MYLK4: variants seen among roughly 807,000 people sequenced by gnomAD.
MYLK4 encodes myosin light chain kinase family member 4, also known as caMLCK like.
Under a neutral mutation model 48.1 loss-of-function variants are expected in MYLK4, and 46 were observed. The ratio of observed to expected loss-of-function variants is 0.96; its 90% CI spans 0.75 to 1.22. The LOEUF (loss-of-function observed/expected upper bound fraction) is 1.22. Among genes scored for constraint, MYLK4 ranks in the 50% most tolerant of loss-of-function variants. The probability of loss-of-function intolerance (pLI) is 0.00; values close to 1 mark genes in which losing one functional copy is unlikely to be tolerated. For missense variants in MYLK4, 451 were observed against 486.1 expected, an observed-to-expected ratio of 0.93 and a Z score of 0.68; for synonymous variants, 170 against 180.8, an observed-to-expected ratio of 0.94 and a Z score of 0.48.
At chr6:2,769,022 C>T in the MYLK4 span, 1 of 749,492 alleles carries the variant, frequency 1.3e-6, no homozygotes, top group Admixed American at 3.5e-5. Flanking sequence ...TCCTTCAAGC[C>T]TATTTCTCCA....
upstream of MYLK4, among the ~76,000 whole-genome samples, chr6:2,753,080 G>A (rs1764336207): frequency 2.0e-5 from 3 of 152,202 alleles, no homozygotes; most frequent in South Asian, 6.2e-4. Flanking sequence ...AATATGAGCA[G>A]GCCCAGGAAC....
intron 2 of MYLK4, among the ~76,000 whole-genome samples, chr6:2,705,617 T>C (rs114646240): frequency 6.6e-6 from 1 of 152,302 alleles, no homozygotes; most frequent in African/African-American, 2.4e-5. Context: ...CCAAAACAAA[T>C]CCAAAAAGCA....
intron 4 of MYLK4, among the ~76,000 whole-genome samples, chr6:2,686,790 A>G (rs1761571513): frequency 6.6e-6 from 1 of 152,198 alleles, no homozygotes; most frequent in African/African-American, 2.4e-5. Flanking sequence ...GCGTGACTTC[A>G]ATTCCAACCT....
intron 10 of MYLK4, among the ~76,000 whole-genome samples, chr6:2,677,652 C>T (rs1761128148): frequency 6.6e-6 from 1 of 152,158 alleles, no homozygotes; most frequent in African/African-American, 2.4e-5. Flanking sequence ...TAATAAATAA[C>T]AGCCAAGTGT....
the MYLK4 span, among the ~76,000 whole-genome samples, chr6:2,763,599 C>T: frequency 6.6e-6 from 1 of 152,254 alleles, no homozygotes; most frequent in African/African-American, 2.4e-5. Context: ...CCGGAACTCG[C>T]GCTGGCCCGC....
intron 2 of MYLK4, among the ~76,000 whole-genome samples, chr6:2,725,123 C>T (rs1383377642): frequency 1.3e-5 from 2 of 152,156 alleles, no homozygotes; most frequent in Non-Finnish European, 2.9e-5. Flanking sequence ...TGCACTCCAG[C>T]CTGGGCAGCA....
chr6:2,727,386 C>G (rs2113311274), intron 2 of MYLK4, among the ~76,000 whole-genome samples: 1 of 152,306 alleles, frequency 6.6e-6, no homozygotes, highest in South Asian at 2.1e-4. Context: ...AAGAGCTGCC[C>G]AGAGCTAGAG....
intron 2 of MYLK4, among the ~76,000 whole-genome samples, chr6:2,703,829 C>A (rs1278418786): frequency 6.6e-6 from 1 of 151,978 alleles, no homozygotes; most frequent in Admixed American, 6.6e-5. Flanking sequence ...TGCCACCACG[C>A]CCACCTAATT....
chr6:2,766,276 C>A, the MYLK4 span: 1 of 1,581,604 alleles, frequency 6.3e-7, no homozygotes, highest in African/African-American at 1.4e-5. Flanking sequence ...CCGAGGAGAT[C>A]CGACAGATGC....
In MYLK4 at chr6:2,749,143, T is replaced by C. The variant is rs868621077; in HGVS notation, c.152A>G (p.His51Arg). 5 of 1,613,420 alleles carry C rather than the reference T, an allele frequency of 3.1e-6. No individual in the cohort carries two copies. The highest frequency in any genetic ancestry group is 3.3e-5 in the Admixed American group (2 of 59,980). The change falls in exon 2 of 13, where the codon CAT becomes CGT. Residue 51 changes from histidine (H) to arginine (R), a missense_variant. By Grantham distance (29) the His-to-Arg change is conservative. Coordinates refer to ENST00000274643, the MANE Select transcript of MYLK4 (RefSeq NM_001012418.5). Reference protein sequence around the residue: ...NSGDQDSRSGHNEAKEVWSNA... With the variant: ...NSGDQDSRSGRNEAKEVWSNA... ...AAATTAGAACATGATTACCTCATTA[T>C]GTCCAGATCTTGAATCCTGGTCCCC...
chr6:2,728,188 C>T (rs528634015), intron 2 of MYLK4, among the ~76,000 whole-genome samples: 53 of 152,202 alleles, frequency 3.5e-4, no homozygotes, highest in Admixed American at 1.2e-3. Context: ...AAACAAAGGT[C>T]CCAACAAATG....
Position 2,692,783 on chromosome 6 carries a change from C to T in MYLK4, c.235+1G>A. ...ACTATCTACTTTTCTAAAGATGTTA[C>T]CTGCGAGGGCTGATGTCCTTTTGCT... On this transcript the variant is annotated splice_donor_variant, in intron 3 of 12. Coordinates refer to ENST00000274643, the MANE Select transcript of MYLK4 (RefSeq NM_001012418.5). LOFTEE classifies it high-confidence loss of function. The T allele has an allele frequency of 1.9e-6, 3 of 1,613,358 alleles. No individual in the cohort carries two copies. Among genetic ancestry groups the T allele is most frequent in the Non-Finnish European group, 2.5e-6 (3 of 1,179,698 alleles).
intron 12 of MYLK4, among the ~76,000 whole-genome samples, chr6:2,669,835 C>A (rs564177547): frequency 1.3e-5 from 2 of 152,210 alleles, no homozygotes; most frequent in African/African-American, 4.8e-5. Context: ...ATGGAATGCA[C>A]AAGCCTTCCT....
At chr6:2,680,904 G>A (rs1761274931) in intron 7 of MYLK4, among the ~76,000 whole-genome samples, 4 of 152,136 alleles carry the variant, frequency 2.6e-5, no homozygotes, top group African/African-American at 7.2e-5. Context: ...CTGACTAAGT[G>A]TTCCCTTGGA....
At chr6:2,722,556 T>TGTGTGTGTGTG (rs1561865814) in intron 2 of MYLK4, among the ~76,000 whole-genome samples, 1 of 125,004 alleles carries the variant, frequency 8.0e-6, no homozygotes, top group East Asian at 2.2e-4. Context: ...TGTGTGTGTG[T>TGTGTGTGTGTG]TGGAGGTGGA....
chr6:2,751,810 A>AT (rs1196431942), upstream of MYLK4, among the ~76,000 whole-genome samples: 3 of 152,194 alleles, frequency 2.0e-5, no homozygotes, highest in Non-Finnish European at 4.4e-5. Flanking sequence ...TTTCCATTTT[A>AT]TGTAGTATTA....
chr6:2,742,136 AAGAC>A (rs1486749474), intron 2 of MYLK4, among the ~76,000 whole-genome samples: 9 of 152,230 alleles, frequency 5.9e-5, no homozygotes, highest in African/African-American at 1.9e-4. Flanking sequence ...GTCCTCAACT[AAGAC>A]AGATCAGATG....
intron 2 of MYLK4, among the ~76,000 whole-genome samples, chr6:2,745,833 G>A (rs1240470800): frequency 6.6e-6 from 1 of 151,870 alleles, no homozygotes; most frequent in Non-Finnish European, 1.5e-5. Flanking sequence ...GCTGAGGCAG[G>A]AGAATCACTT....
intron 3 of MYLK4, among the ~76,000 whole-genome samples, chr6:2,690,695 C>G (rs896465942): frequency 1.1e-4 from 16 of 151,964 alleles, no homozygotes; most frequent in Non-Finnish European, 2.9e-5. Flanking sequence ...AGTTATTCCA[C>G]TGGAACTTAA....
Sources: allele counts gnomAD v4.1 joint callset (sites outside exome capture counted in the v4.1 genomes callset), GRCh38; gene constraint gnomAD v4.1.1; transcripts MANE v1.5; gene names NCBI Gene and HGNC (gene_info 2026-07-23, HGNC 2026-07-21).